RFC2: variants seen among roughly 807,000 people sequenced by gnomAD.
The protein encoded by RFC2 is A1 40 kDa subunit.
In RFC2, 34 loss-of-function variants were observed where a neutral mutation model predicts 44.8. The observed-to-expected ratio is 0.76, with a 90% CI of 0.58 to 1.01. RFC2 has a LOEUF of 1.01. RFC2 is among the 50% of genes least tolerant of loss of function. RFC2 has a pLI of 0.00. For synonymous variants in RFC2, 177 were observed against 168.9 expected, an observed-to-expected ratio of 1.05 and a Z score of -0.37; for missense variants, 400 against 453.6, an observed-to-expected ratio of 0.88 and a Z score of 1.07.
intron 2 of RFC2, among the ~76,000 whole-genome samples, chr7:74,252,060 A>G (rs1334111261): frequency 1.5e-5 from 2 of 132,132 alleles, no homozygotes; most frequent in African/African-American, 2.9e-5. Context: ...GATTACGCCA[A>G]TGCGCTCCAG....
Position 74,249,730 on chromosome 7 carries a change from G to T in RFC2, c.225+9C>A. The stretch of plus-strand genomic sequence containing the variant: ...GAGACACTCAACAGGCCCAGGGCTG[G>T]GTACTCACCGCAATGATGATGTTGG... On this transcript the variant is annotated intron_variant, in intron 3 of 10. Transcript: ENST00000055077. 6.2e-7 allele frequency: 1 copy of T among 1,611,918 alleles called. No homozygotes were observed. The highest frequency in any genetic ancestry group is 8.5e-7 in the Non-Finnish European group (1 of 1,178,166).
rs781993189 is a variant in RFC2 at position 74,248,964 on chromosome 7, C to T, written c.332+48G>A. On this transcript the variant is annotated intron_variant, in intron 4 of 10. Transcript: ENST00000055077. ...GAGAAAGGTTGTTTCTGTAACAATT[C>T]TCAATGCAGAGCACCCGCCCCCCTA... 1.4e-5 allele frequency: 19 copies of T among 1,323,508 alleles called. No homozygotes were observed. The South Asian group carries it at 2.2e-4, about 16-fold the overall frequency. 82.0% of individuals were successfully genotyped at this position (1,323,508 alleles called of 1,614,324 possible).
At chr7:74,245,305 C>T (rs1235592854) in intron 5 of RFC2, among the ~76,000 whole-genome samples, 2 of 150,910 alleles carry the variant, frequency 1.3e-5, no homozygotes, top group Non-Finnish European at 3.0e-5. Context: ...CAGGCATGAG[C>T]CACCGAGCCT....
At chr7:74,252,047 C>G (rs538981122) in intron 2 of RFC2, among the ~76,000 whole-genome samples, 37 of 131,048 alleles carry the variant, frequency 2.8e-4, no homozygotes, top group Admixed American at 1.3e-3. Flanking sequence ...TGCAGAGAGG[C>G]CAGATTACGC....
chr7:74,246,584 G>C, intron 5 of RFC2, 78 bp downstream of exon 5: 1 of 907,348 alleles, frequency 1.1e-6, no homozygotes, highest in South Asian at 1.5e-5. Context: ...CCATAAAAGT[G>C]CTTTTTATCC....
chr7:74,239,915 C>T, intron 7 of RFC2, 23 bp downstream of exon 7: 2 of 1,574,736 alleles, frequency 1.3e-6, no homozygotes, highest in Non-Finnish European at 1.7e-6. Context: ...ATGCCCACGC[C>T]TGAATGGTAG....
chr7:74,240,502 C>CA (rs1216974808), intron 6 of RFC2, among the ~76,000 whole-genome samples: 3,918 of 72,926 alleles, frequency 0.054, 183 homozygotes, highest in African/African-American at 0.12. Flanking sequence ...GCTGTGTCTC[C>CA]AAAAAAAAAA....
In RFC2 at chr7:74,243,260, C is replaced by T. The variant is rs782680458; in HGVS notation, c.435-14G>A. ...CCGTCGGTCATGCTGAGAAGAAAAA[C>T]ACAAGTTTGCAAGTGGGACCCAGAG... On this transcript the variant is annotated splice_polypyrimidine_tract_variant and intron_variant, in intron 5 of 10. Coordinates refer to ENST00000055077, the MANE Select transcript of RFC2 (RefSeq NM_181471.3). 1 of 1,586,824 alleles carries T rather than the reference C, an allele frequency of 6.3e-7. No individual in the cohort carries two copies. Among genetic ancestry groups the T allele is most frequent in the Non-Finnish European group, 8.7e-7 (1 of 1,155,852 alleles).
At chr7:74,245,442 G>C (rs1410508165) in intron 5 of RFC2, among the ~76,000 whole-genome samples, 12 of 152,088 alleles carry the variant, frequency 7.9e-5, no homozygotes, top group Non-Finnish European at 1.2e-4. Flanking sequence ...GCCGGGCGCA[G>C]TGGCTCACAC....
chr7:74,245,091 A>G (rs1440843484), intron 5 of RFC2, among the ~76,000 whole-genome samples: 2 of 149,548 alleles, frequency 1.3e-5, no homozygotes, highest in African/African-American at 4.9e-5. Flanking sequence ...TGCAAATGGC[A>G]TGATCTCAGC....
chr7:74,243,407 G>A (rs1268894413), intron 5 of RFC2, among the ~76,000 whole-genome samples, 161 bp from the exon 6 acceptor site: 10 of 151,910 alleles, frequency 6.6e-5, no homozygotes, highest in Admixed American at 4.6e-4. Flanking sequence ...CCTGCAGGCC[G>A]CTCTCTCAAA....
intron 6 of RFC2, among the ~76,000 whole-genome samples, chr7:74,242,279 T>C (rs1554719373): frequency 6.6e-6 from 1 of 151,996 alleles, no homozygotes; most frequent in African/African-American, 2.4e-5. Flanking sequence ...CCTCCAAGAG[T>C]GCAAGAGGGT....
In RFC2 at chr7:74,231,561, G is replaced by A. The variant is rs1038877675; in HGVS notation, c.*545C>T. The A allele has an allele frequency of 2.6e-5, 4 of 153,324 alleles. No individual in the cohort carries two copies. The highest frequency in any genetic ancestry group is 9.7e-5 in the African/African-American group (4 of 41,440). The allele number at this position is 153,324 out of a possible 1,614,324, so 9.5% of individuals were successfully genotyped here. A position where few individuals can be genotyped will look rare whatever the true frequency, so the allele number is the denominator to read the frequency against. ...AATGTCAACCCACACACAGATCAGAGACCGCCCTCAGCTTCTCTGCGCCTT... is the reference window on the plus strand; with the variant it reads ...AATGTCAACCCACACACAGATCAGAAACCGCCCTCAGCTTCTCTGCGCCTT... On this transcript the variant is annotated 3_prime_UTR_variant, in exon 11 of 11. Coordinates refer to ENST00000055077, the MANE Select transcript of RFC2 (RefSeq NM_181471.3).
intron 6 of RFC2, among the ~76,000 whole-genome samples, chr7:74,241,616 G>GA (rs1299221514): frequency 6.6e-6 from 1 of 152,168 alleles, no homozygotes; most frequent in African/African-American, 2.4e-5. Context: ...AGAGAGCAAT[G>GA]AAAAATGAGG....
rs548294232 is a variant in RFC2 at position 74,240,012 on chromosome 7, C to T, written c.619G>A (p.Glu207Lys). 1.6e-4 allele frequency: 258 copies of T among 1,614,004 alleles called. No homozygotes were observed. The East Asian group carries it at 5.1e-3, about 32-fold the overall frequency. The change falls in exon 7 of 11, where the codon GAG (glutamate) becomes AAG (lysine). Residue 207 changes from glutamate to lysine, a missense_variant. Glu to Lys is a moderately conservative substitution (Grantham distance 56). Transcript: ENST00000055077. Reference sequence around the variant, plus strand: ...TCAGTGTAGGGTACCCTCTCCTTCTCGATAACATTCATCAGCCTGGTGAGG... The same window carrying T: ...TCAGTGTAGGGTACCCTCTCCTTCTTGATAACATTCATCAGCCTGGTGAGG... ...QILTRLMNVI[E>K]KERVPYTDDG...
chr7:74,246,698 C>T lies in RFC2; in HGVS notation c.398G>A (p.Gly133Asp). 1 of 1,612,358 alleles carries T rather than the reference C, an allele frequency of 6.2e-7. No individual in the cohort carries two copies. ...FAQQKVTLPK[G>D]RHKIIILDEA... ...ATCCAGAATGATGATCTTATGTCGG[C>T]CTTTGGGAAGAGTGACTTTTTGTTG... is the stretch of plus-strand genomic sequence containing the variant. The change falls in exon 5 of 11, where the codon GGC (glycine) becomes GAC (aspartate). Residue 133 changes from glycine (G) to aspartate (D), a missense_variant. Physicochemically the swap from Gly to Asp is moderately conservative, Grantham distance 94 (BLOSUM62 -1). Coordinates refer to ENST00000055077, the MANE Select transcript of RFC2 (RefSeq NM_181471.3).
chr7:74,246,978 T>TTTA (rs1803651023), intron 4 of RFC2, among the ~76,000 whole-genome samples: 1 of 151,214 alleles, frequency 6.6e-6, no homozygotes, highest in Non-Finnish European at 1.5e-5. Flanking sequence ...ATATACACTT[T>TTTA]TTTTTTTTTT....
Position 74,252,403 on chromosome 7 carries a change from T to C in RFC2, c.183+26A>G, listed in dbSNP as rs537193715. On this transcript the variant is annotated intron_variant, in intron 2 of 10. Transcript: ENST00000055077. ...GCCTGGGCGACAGAGCGAGACTCTG[T>C]CTCAAAAAAAAAAAAAGCCACTCAC... is the stretch of plus-strand genomic sequence containing the variant. The C allele has an allele frequency of 1.4e-5, 18 of 1,332,158 alleles. No homozygotes were observed. In the South Asian group the frequency reaches 2.2e-4, roughly 16 times the overall value. The allele number at this position is 1,332,158 out of a possible 1,614,324, so 82.5% of individuals were successfully genotyped here.
intron 2 of RFC2, among the ~76,000 whole-genome samples, chr7:74,250,468 C>T (rs1458894674): frequency 6.6e-6 from 1 of 151,962 alleles, no homozygotes; most frequent in Non-Finnish European, 1.5e-5. Context: ...CTGAACACTT[C>T]ATTCTCCTGT....
Sources: gnomAD v4.1 joint callset for allele counts (sites outside exome capture counted in the v4.1 genomes callset) on GRCh38, gnomAD v4.1.1 for gene constraint, MANE v1.5 for transcripts, NCBI Gene and HGNC (gene_info 2026-07-23, HGNC 2026-07-21) for gene names.